The following IL31RA variants were observed in gnomAD, a reference collection of about 807,000 sequenced individuals.
The protein encoded by IL31RA is interleukin 31 receptor A.
In IL31RA, 66 loss-of-function variants were observed where a neutral mutation model predicts 83.7. That is an observed-to-expected ratio of 0.79 (90% CI 0.65 to 0.97). IL31RA has a LOEUF of 0.97. Among genes scored for constraint, IL31RA ranks in the 50% least tolerant of loss-of-function variants. The pLI, the probability that IL31RA is intolerant of heterozygous loss-of-function variation, is 0.00. For synonymous variants in IL31RA, 325 were observed against 329.0 expected (o/e 0.99, Z 0.13); for missense variants, 798 against 919.4 (o/e 0.87, Z 1.71).
Position 55,917,108 on chromosome 5 carries a change from G to T in IL31RA, c.2283G>T (p.Lys761Asn). The T allele has an allele frequency of 1.2e-6, 2 of 1,614,170 alleles. No homozygotes were observed. The highest frequency in any genetic ancestry group is 1.7e-6 in the Non-Finnish European group (2 of 1,180,026). ...CTGAAAAACTTCCAGAGCACACCAA[G>T]GGAGAAGTCTAAATGCGACCATAGC... is the stretch of plus-strand genomic sequence containing the variant. Reference protein sequence around the residue: ...LVSEKLPEHTKGEV With the variant: ...LVSEKLPEHTNGEV Residue 761 changes from lysine to asparagine, a missense_variant, in exon 15 of 15, where the codon AAG becomes AAT. Lys to Asn is a moderately conservative substitution (Grantham distance 94). Coordinates refer to ENST00000652347, the MANE Select transcript of IL31RA (RefSeq NM_139017.7).
At chr5:55,916,613 A>G (rs1480094799) in intron 14 of IL31RA, 31 bp from the exon 15 acceptor site, 1 of 1,593,978 alleles carries the variant, frequency 6.3e-7, no homozygotes, top group Non-Finnish European at 8.6e-7. Context: ...CTCCTAAATG[A>G]CCACTTGGGA....
At chr5:55,894,303 G>A (rs1301723629) in intron 6 of IL31RA, among the ~76,000 whole-genome samples, 3 of 152,106 alleles carry the variant, frequency 2.0e-5, no homozygotes, top group Non-Finnish European at 2.9e-5. Flanking sequence ...GAGGAACTTG[G>A]CCACTGCTTA....
At chr5:55,904,530 C>A (rs1346830224) in intron 8 of IL31RA, among the ~76,000 whole-genome samples, 2 of 152,186 alleles carry the variant, frequency 1.3e-5, no homozygotes, top group Admixed American at 1.3e-4. Context: ...GTGCTTCTTG[C>A]CCCGGCCTCT....
Position 55,917,841 on chromosome 5 carries a change from A to G in IL31RA, c.*721A>G, listed in dbSNP as rs1441938277. Among the ~76,000 whole-genome samples, 1 of 143,708 alleles carries G rather than the reference A, an allele frequency of 7.0e-6. No individual in the cohort carries two copies. Among genetic ancestry groups the G allele is most frequent in the Non-Finnish European group, 1.6e-5 (1 of 64,338 alleles). 94.3% of individuals were successfully genotyped at this position (143,708 alleles called of 152,430 possible). On this transcript the variant is annotated 3_prime_UTR_variant, in exon 15 of 15. Transcript: ENST00000652347. ...AGCTCTGTCCAGTCTCCAGGGGGCC[A>G]CTTCCCAGCTGCTGCTGCCCTTCTA...
chr5:55,867,139 G>GTGTGCA (rs1746129750), intron 2 of IL31RA, among the ~76,000 whole-genome samples: 1 of 51,382 alleles, frequency 1.9e-5, no homozygotes, highest in Non-Finnish European at 4.6e-5. Flanking sequence ...GTGTGTGCAT[G>GTGTGCA]TGTGTGTGCA....
At chr5:55,891,550 A>G (rs1747993446) in intron 6 of IL31RA, among the ~76,000 whole-genome samples, 1 of 151,884 alleles carries the variant, frequency 6.6e-6, no homozygotes, top group Admixed American at 6.6e-5. Flanking sequence ...CATCTACAAT[A>G]CTTATCCCCC....
intron 5 of IL31RA, among the ~76,000 whole-genome samples, chr5:55,887,741 C>T (rs1466945279): frequency 4.6e-5 from 7 of 152,030 alleles, no homozygotes; most frequent in Non-Finnish European, 8.8e-5. Context: ...AAAAATTAGC[C>T]GGGCGTGTTG....
chr5:55,918,058 C>G lies in IL31RA; in HGVS notation c.*938C>G, dbSNP rs1169802808. ...CAGCCCCAACAGGAGGACTTCTGCT[C>G]CTTTTCTCTAGCTGAGCACAGAGCT... On this transcript the variant is annotated 3_prime_UTR_variant, in exon 15 of 15. Transcript: ENST00000652347. 6.6e-6 allele frequency among the ~76,000 whole-genome samples: 1 copy of G among 152,228 alleles called. No homozygotes were observed. Among genetic ancestry groups the G allele is most frequent in the Admixed American group, 6.5e-5 (1 of 15,284 alleles).
the IL31RA span, among the ~76,000 whole-genome samples, chr5:55,846,164 G>A: frequency 2.0e-5 from 3 of 152,176 alleles, no homozygotes; most frequent in Admixed American, 2.0e-4. Flanking sequence ...TGGGGACAGT[G>A]GTTTGTCCTG....
intron 2 of IL31RA, among the ~76,000 whole-genome samples, chr5:55,864,705 A>G (rs1347330352): frequency 6.6e-6 from 1 of 150,670 alleles, no homozygotes; most frequent in East Asian, 2.0e-4. Flanking sequence ...CATACTACAC[A>G]CATACCACAC....
chr5:55,872,543 A>G lies in IL31RA; in HGVS notation c.454+92A>G, dbSNP rs554121746. The stretch of plus-strand genomic sequence containing the variant: ...TATCTGTGGACTCAAAAGTAGGCTC[A>G]TCAAGTTCAAGGATATGTGTTGTGG... On this transcript the variant is annotated intron_variant, in intron 4 of 14. Transcript: ENST00000652347. The G allele has an allele frequency of 4.3e-5, 38 of 876,924 alleles. No homozygotes were observed. The East Asian group carries it at 5.3e-4, about 12-fold the overall frequency. 54.3% of individuals were successfully genotyped at this position (876,924 alleles called of 1,614,324 possible).
chr5:55,904,344 G>A (rs141384172), intron 8 of IL31RA, among the ~76,000 whole-genome samples: 2 of 152,308 alleles, frequency 1.3e-5, no homozygotes, highest in African/African-American at 2.4e-5. Context: ...AGGAAGCTGA[G>A]TGGGTCTGGG....
chr5:55,869,359 T>C (rs915861404), intron 3 of IL31RA, among the ~76,000 whole-genome samples: 11 of 152,202 alleles, frequency 7.2e-5, no homozygotes, highest in Non-Finnish European at 1.5e-4. Context: ...TTCCCCAATT[T>C]TTTTTACTAC....
intron 6 of IL31RA, among the ~76,000 whole-genome samples, chr5:55,891,532 C>G (rs957132075): frequency 1.3e-5 from 2 of 152,058 alleles, no homozygotes; most frequent in Non-Finnish European, 2.9e-5. Context: ...GGCTTGTGGT[C>G]CTTCTTCCAT....
intron 5 of IL31RA, among the ~76,000 whole-genome samples, chr5:55,888,558 A>G (rs955036657): frequency 6.6e-6 from 1 of 152,212 alleles, no homozygotes; most frequent in Non-Finnish European, 1.5e-5. Context: ...TGACAAGTAA[A>G]ATAGAGGTTT....
At chr5:55,894,820 G>A (rs1030458933) in intron 6 of IL31RA, among the ~76,000 whole-genome samples, 6 of 152,166 alleles carry the variant, frequency 3.9e-5, no homozygotes, top group Admixed American at 3.3e-4. Flanking sequence ...GGGTTCAAGC[G>A]ATTCTCCTGC....
At chr5:55,897,584 CA>C (rs943523002) in intron 7 of IL31RA, among the ~76,000 whole-genome samples, 15 of 151,990 alleles carry the variant, frequency 9.9e-5, no homozygotes, top group African/African-American at 3.6e-4. Context: ...TAGTGGGGCA[CA>C]AAAACAGAAG....
rs764954734 is a variant in IL31RA at position 55,900,076 on chromosome 5, A to G, written c.1013A>G (p.Asn338Ser). The change falls in exon 8 of 15, where the codon AAT becomes AGT. Residue 338 changes from asparagine to serine, a missense_variant. By Grantham distance (46) the Asn-to-Ser change is conservative (BLOSUM62 1). Coordinates refer to ENST00000652347, the MANE Select transcript of IL31RA (RefSeq NM_139017.7). ...TTTTGGGTGTCTATGATTTCTTATAATTCTCTTGGGAAGTCTCCAGTGGCC... is the reference window on the plus strand; with the variant it reads ...TTTTGGGTGTCTATGATTTCTTATAGTTCTCTTGGGAAGTCTCCAGTGGCC... The part of the protein sequence containing the change: ...ESFWVSMISY[N>S]SLGKSPVATL... The G allele has an allele frequency of 1.2e-5, 19 of 1,613,980 alleles. No homozygotes were observed. Among genetic ancestry groups the G allele is most frequent in the Non-Finnish European group, 1.6e-5 (19 of 1,180,016 alleles).
At position 55,900,051 on chromosome 5, in the gene IL31RA, T is replaced by C; in HGVS notation, c.988T>C (p.Phe330Leu). The change falls in exon 8 of 15, where the codon TTT (phenylalanine) becomes CTT (leucine). Residue 330 changes from phenylalanine (F) to leucine (L), a missense_variant. By Grantham distance (22) the Phe-to-Leu change is conservative. Transcript: ENST00000652347. ...QLELHLGGESFWVSMISYNSL... is the reference protein window; with the variant it reads ...QLELHLGGESLWVSMISYNSL... ...TGAACTGCATCTGGGAGGCGAGAGC[T>C]TTTGGGTGTCTATGATTTCTTATAA... 4 of 1,613,986 alleles carry C rather than the reference T, an allele frequency of 2.5e-6. No individual in the cohort carries two copies. Among genetic ancestry groups the C allele is most frequent in the Non-Finnish European group, 3.4e-6 (4 of 1,179,934 alleles).
Sources: gnomAD v4.1 joint callset for allele counts (sites outside exome capture counted in the v4.1 genomes callset) on GRCh38, gnomAD v4.1.1 for gene constraint, MANE v1.5 for transcripts, NCBI Gene and HGNC (gene_info 2026-07-23, HGNC 2026-07-21) for gene names.